STXBP6: variants seen among roughly 807,000 people sequenced by gnomAD.
STXBP6 encodes the protein syntaxin binding protein 6.
Under a neutral mutation model 26.9 loss-of-function variants are expected in STXBP6, and 21 were observed. The ratio of observed to expected loss-of-function variants is 0.78; its 90% CI spans 0.55 to 1.12. STXBP6 has a LOEUF of 1.12. Ranked by LOEUF, STXBP6 falls within the 50% of genes most tolerant of loss-of-function variation. The pLI is 0.00. For missense variants in STXBP6, 232 were observed against 257.9 expected (o/e 0.90, Z 0.69); for synonymous variants, 97 against 92.6 (o/e 1.05, Z -0.27).
Position 24,857,126 on chromosome 14 carries a change from G to A in STXBP6, c.186C>T (p.Ile62=), listed in dbSNP as rs368101858. The A allele has an allele frequency of 7.4e-6, 12 of 1,612,936 alleles. No individual in the cohort carries two copies. Among genetic ancestry groups the A allele is most frequent in the Non-Finnish European group, 9.3e-6 (11 of 1,179,242 alleles). The part of the protein sequence containing the change: ...VTNKKPTQAS[I]TKVKQFEGST... Reference sequence around the variant, plus strand: ...AGCCTTCAAACTGTTTGACCTTTGTGATGGACGCCTGTGTGGGTTTCTTGT... The same window carrying A: ...AGCCTTCAAACTGTTTGACCTTTGTAATGGACGCCTGTGTGGGTTTCTTGT... The change falls in exon 3 of 6, where the codon ATC becomes ATT. Residue 62 remains isoleucine, a synonymous_variant. Transcript: ENST00000323944.
intron 5 of STXBP6, among the ~76,000 whole-genome samples, chr14:24,814,799 T>A (rs898766): frequency 6.6e-6 from 1 of 151,932 alleles, no homozygotes; most frequent in African/African-American, 2.4e-5. Flanking sequence ...AGTGTCCTTA[T>A]AAAGTGGCTG....
At chr14:24,883,262 T>A (rs1958354) in intron 2 of STXBP6, among the ~76,000 whole-genome samples, 129,555 of 151,652 alleles carry the variant, frequency 0.85, 55,351 homozygotes, top group Middle Eastern at 0.91. Context: ...TGTTTTTTTT[T>A]AAAAAATACA....
chr14:24,989,447 A>G (rs1044249683), intron 1 of STXBP6, among the ~76,000 whole-genome samples: 3 of 152,258 alleles, frequency 2.0e-5, no homozygotes, highest in Non-Finnish European at 4.4e-5. Context: ...AACTAAGGGC[A>G]TCAAAATAAA....
At chr14:24,838,094 C>T (rs557226608) in intron 4 of STXBP6, among the ~76,000 whole-genome samples, 25 of 152,248 alleles carry the variant, frequency 1.6e-4, no homozygotes, top group African/African-American at 5.5e-4. Flanking sequence ...GTGCAGTACA[C>T]GATCTCAGTG....
intron 1 of STXBP6, among the ~76,000 whole-genome samples, chr14:25,045,605 CTTTTTTTTT>C (rs397700377): frequency 9.3e-6 from 1 of 107,782 alleles, no homozygotes; most frequent in East Asian, 2.8e-4. Flanking sequence ...TTTTTCTTTT[CTTTTTTTTT>C]TTTTTTGAGA....
chr14:25,016,004 G>A (rs1292763379), intron 1 of STXBP6, among the ~76,000 whole-genome samples: 1 of 152,152 alleles, frequency 6.6e-6, no homozygotes, highest in Non-Finnish European at 1.5e-5. Flanking sequence ...GAGACACTGT[G>A]CAGCTTCTCT....
At chr14:24,982,032 A>G (rs1226499855) in intron 1 of STXBP6, among the ~76,000 whole-genome samples, 4 of 152,206 alleles carry the variant, frequency 2.6e-5, no homozygotes, top group Non-Finnish European at 5.9e-5. Context: ...TAGTTTGCCA[A>G]AACGTTAATA....
intron 2 of STXBP6, among the ~76,000 whole-genome samples, chr14:24,931,538 G>T (rs12101204): frequency 0.24 from 36,915 of 152,042 alleles, 4,730 homozygotes; most frequent in African/African-American, 0.33. Flanking sequence ...AAAAACACAT[G>T]TTAAAGACTC....
chr14:24,922,115 T>G lies in STXBP6; in HGVS notation c.154+52550A>C, dbSNP rs576980821. The stretch of plus-strand genomic sequence containing the variant: ...TCTGTCAGCAGCCACTTCCCTAGAA[T>G]GAGTCACCCTCCAACTCTTCTATTA... On this transcript the variant is annotated intron_variant, in intron 2 of 5. Transcript: ENST00000323944. 3.2e-4 allele frequency among the ~76,000 whole-genome samples: 48 copies of G among 152,224 alleles called. 1 individual carries two copies. In the South Asian group the frequency reaches 6.6e-3, roughly 21 times the overall value.
rs572280764 is a variant in STXBP6 at position 24,871,062 on chromosome 14, GT to G, written c.155-13906del. On this transcript the variant is annotated intron_variant, in intron 2 of 5. Coordinates refer to ENST00000323944, the MANE Select transcript of STXBP6 (RefSeq NM_001394410.1). ...AAAATGTAATTGACATTTGAAACAT[GT>G]TTTTTTTTTTTCTCTAGAAACCACG... 7.5e-3 allele frequency among the ~76,000 whole-genome samples: 1,092 copies of G among 145,258 alleles called. 13 individuals carry two copies. The highest frequency in any genetic ancestry group is 0.023 in the African/African-American group (924 of 39,864).
rs1163021961 is a variant in STXBP6 at position 24,829,844 on chromosome 14, T to TA, written c.452-10651dup. On this transcript the variant is annotated intron_variant, in intron 4 of 5. Transcript: ENST00000323944. ...AAACAGGAGGCAGGATGTGTATGGT[T>TA]AAAAAAATATGTGTAGGGGTGTGTA... 3.3e-5 allele frequency among the ~76,000 whole-genome samples: 5 copies of TA among 152,176 alleles called. No individual in the cohort carries two copies. The South Asian group carries it at 8.3e-4, about 25-fold the overall frequency.
At chr14:24,857,319 CA>C (rs752862042) in intron 2 of STXBP6, among the ~76,000 whole-genome samples, 162 bp from the exon 3 acceptor site, 2 of 152,002 alleles carry the variant, frequency 1.3e-5, no homozygotes, top group Non-Finnish European at 2.9e-5. Flanking sequence ...TGCCTTTGGT[CA>C]GGGGTGAACG....
In STXBP6 at chr14:24,919,807, G is replaced by A. The variant is rs1215734131; in HGVS notation, c.154+54858C>T. Among the ~76,000 whole-genome samples the A allele has an allele frequency of 2.0e-5, 3 of 152,080 alleles. No homozygotes were observed. The East Asian group carries it at 5.8e-4, about 29-fold the overall frequency. On this transcript the variant is annotated intron_variant, in intron 2 of 5. Coordinates refer to ENST00000323944, the MANE Select transcript of STXBP6 (RefSeq NM_001394410.1). ...GTGTATGTACTTAAGGATGGTGTGGGTGCATGACAGGGAGGCTAATTTCTT... is the reference window on the plus strand; with the variant it reads ...GTGTATGTACTTAAGGATGGTGTGGATGCATGACAGGGAGGCTAATTTCTT...
chr14:25,046,148 G>C (rs192665763), intron 1 of STXBP6, among the ~76,000 whole-genome samples: 1 of 152,288 alleles, frequency 6.6e-6, no homozygotes, highest in East Asian at 1.9e-4. Flanking sequence ...ATTAAAGGGA[G>C]CAAAGATACC....
At chr14:24,975,675 C>A (rs2140208713) in intron 1 of STXBP6, among the ~76,000 whole-genome samples, 1 of 152,342 alleles carries the variant, frequency 6.6e-6, no homozygotes, top group South Asian at 2.1e-4. Context: ...GACGCTGACT[C>A]ACAGTGAGTT....
chr14:24,984,483 G>A (rs1402859214), intron 1 of STXBP6, among the ~76,000 whole-genome samples: 1 of 152,192 alleles, frequency 6.6e-6, no homozygotes, highest in Non-Finnish European at 1.5e-5. Context: ...GCAAGACACT[G>A]TGCCCTTCAA....
chr14:24,869,233 C>T (rs1420408140), intron 2 of STXBP6, among the ~76,000 whole-genome samples: 1 of 151,912 alleles, frequency 6.6e-6, no homozygotes, highest in Non-Finnish European at 1.5e-5. Flanking sequence ...TTTTTTAAAT[C>T]CAGGGTCATT....
intron 2 of STXBP6, among the ~76,000 whole-genome samples, chr14:24,925,517 G>C (rs1248438297): frequency 6.6e-6 from 1 of 152,182 alleles, no homozygotes; most frequent in Admixed American, 6.5e-5. Context: ...TTGCAGCACG[G>C]GGAGGGAGGG....
intron 1 of STXBP6, among the ~76,000 whole-genome samples, chr14:25,000,704 G>A (rs1345093022): frequency 2.0e-5 from 3 of 149,402 alleles, no homozygotes; most frequent in African/African-American, 7.4e-5. Flanking sequence ...GAAATGCAGA[G>A]GGAAAGTTAG....
Sources: allele counts gnomAD v4.1 joint callset (sites outside exome capture counted in the v4.1 genomes callset), GRCh38; gene constraint gnomAD v4.1.1; transcripts MANE v1.5; gene names NCBI Gene and HGNC (gene_info 2026-07-23, HGNC 2026-07-21).